The following NCOA2 variants were observed in gnomAD, a reference collection of about 807,000 sequenced individuals.
The protein encoded by NCOA2 is class E basic helix-loop-helix protein 75.
Under a neutral mutation model 145.1 loss-of-function variants are expected in NCOA2, and 21 were observed. That is an observed-to-expected ratio of 0.14 (90% CI 0.10 to 0.21). NCOA2 has a LOEUF of 0.21. Ranked by LOEUF, NCOA2 falls within the 10% of genes least tolerant of loss-of-function variation. The pLI, the probability that NCOA2 is intolerant of heterozygous loss-of-function variation, is 1.00. For missense variants in NCOA2, 1,472 were observed against 1,837.6 expected (o/e 0.80, Z 3.64); for synonymous variants, 619 against 637.5 (o/e 0.97, Z 0.44).
At chr8:70,148,536 A>G in intron 11 of NCOA2, 53 bp from the exon 12 acceptor site, 2 of 1,549,478 alleles carry the variant, frequency 1.3e-6, no homozygotes, top group Non-Finnish European at 1.8e-6. Context: ...AGTAGACACC[A>G]CAAGCCCATT....
chr8:70,423,410 T>C, the NCOA2 span, among the ~76,000 whole-genome samples: 5 of 152,274 alleles, frequency 3.3e-5, no homozygotes, highest in South Asian at 1.0e-3. Flanking sequence ...CTGGAACTCC[T>C]GACCTCAGGT....
At chr8:70,263,856 A>T (rs529460982) in intron 2 of NCOA2, among the ~76,000 whole-genome samples, 1 of 152,342 alleles carries the variant, frequency 6.6e-6, no homozygotes, top group Non-Finnish European at 1.5e-5. Flanking sequence ...CAGAAAACGC[A>T]TAATGAAACT....
chr8:70,132,991 T>G (rs1231755975), intron 15 of NCOA2, among the ~76,000 whole-genome samples: 1 of 152,140 alleles, frequency 6.6e-6, no homozygotes, highest in African/African-American at 2.4e-5. Context: ...GGTGATGAAA[T>G]CAGAACACTA....
chr8:70,174,686 T>C, intron 5 of NCOA2, 70 bp downstream of exon 5: 2 of 1,385,750 alleles, frequency 1.4e-6, no homozygotes, highest in Non-Finnish European at 2.1e-6. Flanking sequence ...TATATTCACC[T>C]GAAATTAAAT....
chr8:70,164,220 T>A (rs560256892), intron 7 of NCOA2, among the ~76,000 whole-genome samples: 2 of 152,300 alleles, frequency 1.3e-5, no homozygotes, highest in South Asian at 4.1e-4. Flanking sequence ...CCAATTCTAA[T>A]CACTTAATCC....
chr8:70,170,220 G>A lies in NCOA2; in HGVS notation c.523C>T (p.Leu175=), dbSNP rs201343722. 2.2e-5 allele frequency: 35 copies of A among 1,613,388 alleles called. No individual in the cohort carries two copies. In the African/African-American group the frequency reaches 4.3e-4, roughly 20 times the overall value. ...CATTTACCTATAGACTTTGGCAGCA[G>A]GTTTTTGACAAATTCCGTGTGGTCC... ...VGDHTEFVKN[L]LPKSIVNGGS... is the part of the protein sequence containing the mutation. Residue 175 remains leucine, a synonymous_variant, in exon 6 of 23, where the codon CTG becomes TTG. Coordinates refer to ENST00000452400, the MANE Select transcript of NCOA2 (RefSeq NM_006540.4).
intron 1 of NCOA2, among the ~76,000 whole-genome samples, chr8:70,368,097 C>A (rs555339443): frequency 1.3e-5 from 2 of 152,272 alleles, no homozygotes; most frequent in Non-Finnish European, 2.9e-5. Context: ...GAAGACAATG[C>A]AAAGTATAAC....
intron 4 of NCOA2, among the ~76,000 whole-genome samples, chr8:70,198,950 G>A (rs1201153878): frequency 3.3e-5 from 5 of 152,146 alleles, no homozygotes; most frequent in East Asian, 1.9e-4. Context: ...ACTGTAAGAC[G>A]GGGGCTGTGG....
At chr8:70,144,992 G>A (rs73687611) in intron 12 of NCOA2, 144 bp from the exon 13 acceptor site, 6 of 683,096 alleles carry the variant, frequency 8.8e-6, no homozygotes, top group Non-Finnish European at 1.5e-5. Flanking sequence ...CAAAATCACA[G>A]ACAAAAAACA....
chr8:70,352,510 CTT>C (rs1563795609), intron 1 of NCOA2, among the ~76,000 whole-genome samples: 2 of 152,126 alleles, frequency 1.3e-5, no homozygotes, highest in Non-Finnish European at 2.9e-5. Flanking sequence ...TGTTAGAAAA[CTT>C]TTCTGAAATT....
intron 1 of NCOA2, among the ~76,000 whole-genome samples, chr8:70,346,488 T>C (rs1808655397): frequency 6.6e-6 from 1 of 152,250 alleles, no homozygotes; most frequent in Non-Finnish European, 1.5e-5. Context: ...TTGAAATGAC[T>C]ATCAATCTGA....
chr8:70,406,377 A>T (rs1488945340), upstream of NCOA2, among the ~76,000 whole-genome samples: 3 of 152,232 alleles, frequency 2.0e-5, no homozygotes, highest in African/African-American at 7.2e-5. Context: ...AATCATCACT[A>T]TGATAATGTA....
upstream of NCOA2, among the ~76,000 whole-genome samples, chr8:70,408,025 C>A (rs1485765907): frequency 6.6e-6 from 1 of 152,044 alleles, no homozygotes; most frequent in Non-Finnish European, 1.5e-5. Context: ...TTCATACCTC[C>A]CTTATTTCTC....
the NCOA2 span, among the ~76,000 whole-genome samples, chr8:70,451,400 C>CAAAAAAAAAAAAAA: frequency 1.5e-5 from 1 of 67,514 alleles, no homozygotes; most frequent in Non-Finnish European, 2.7e-5. Flanking sequence ...AGAGTGAGAC[C>CAAAAAAAAAAAAAA]AAAAAAAAAA....
chr8:70,370,766 G>A (rs1811143712), intron 1 of NCOA2, among the ~76,000 whole-genome samples: 1 of 152,064 alleles, frequency 6.6e-6, no homozygotes, highest in African/African-American at 2.4e-5. Context: ...AGAAGGAAGG[G>A]AATATCCTAA....
intron 1 of NCOA2, among the ~76,000 whole-genome samples, chr8:70,329,050 G>A (rs963192200): frequency 4.6e-5 from 7 of 152,038 alleles, no homozygotes; most frequent in African/African-American, 1.7e-4. Context: ...GAACTCCTGG[G>A]CTCAAATAAT....
chr8:70,428,897 C>A, the NCOA2 span, among the ~76,000 whole-genome samples: 1 of 151,482 alleles, frequency 6.6e-6, no homozygotes, highest in South Asian at 2.1e-4. Flanking sequence ...CAAAAGCTAT[C>A]ACTTCATGTC....
intron 1 of NCOA2, among the ~76,000 whole-genome samples, chr8:70,324,631 A>C (rs56119200): frequency 0.038 from 5,555 of 144,680 alleles, 315 homozygotes; most frequent in African/African-American, 0.13. Flanking sequence ...GTCCAACCCC[A>C]AAAAAAAAAA....
intron 1 of NCOA2, among the ~76,000 whole-genome samples, chr8:70,362,939 G>A (rs1810343146): frequency 6.6e-6 from 1 of 151,718 alleles, no homozygotes; most frequent in African/African-American, 2.4e-5. Flanking sequence ...TTAGTCAGGT[G>A]TAGTGATGCA....
Sources: gnomAD v4.1 joint callset for allele counts (sites outside exome capture counted in the v4.1 genomes callset) on GRCh38, gnomAD v4.1.1 for gene constraint, MANE v1.5 for transcripts, NCBI Gene and HGNC (gene_info 2026-07-23, HGNC 2026-07-21) for gene names.